DCDC1: variants seen among roughly 807,000 people sequenced by gnomAD.
The protein encoded by DCDC1 is doublecortin domain containing 1.
DCDC1 carries 200 observed loss-of-function variants against 178.3 expected under a neutral mutation model. The ratio of observed to expected loss-of-function variants is 1.12; its 90% CI spans 1.00 to 1.26. DCDC1 has a LOEUF of 1.26. Ranked by LOEUF, DCDC1 falls within the 50% of genes most tolerant of loss-of-function variation. The pLI is 0.00. For missense variants in DCDC1, 1,983 were observed against 1,749.2 expected, an observed-to-expected ratio of 1.13 and a Z score of -2.38; for synonymous variants, 690 against 604.8, an observed-to-expected ratio of 1.14 and a Z score of -2.07.
intron 11 of DCDC1, among the ~76,000 whole-genome samples, chr11:31,111,720 A>T (rs2135808169): frequency 6.6e-6 from 1 of 152,338 alleles, no homozygotes; most frequent in Admixed American, 6.5e-5. Flanking sequence ...ACTCTTAAGC[A>T]ACAGAGAAAT....
At chr11:30,897,420 C>T (rs1401986469) in intron 34 of DCDC1, among the ~76,000 whole-genome samples, 1 of 151,972 alleles carries the variant, frequency 6.6e-6, no homozygotes, top group Non-Finnish European at 1.5e-5. Context: ...AACCCCCTCT[C>T]TACTAAAAGT....
At chr11:31,021,558 A>T (rs1334175533) in intron 20 of DCDC1, among the ~76,000 whole-genome samples, 1 of 152,322 alleles carries the variant, frequency 6.6e-6, no homozygotes, top group East Asian at 1.9e-4. Flanking sequence ...CATTAAAAAA[A>T]TCTCTGCAAA....
intron 33 of DCDC1, 26 bp from the exon 34 acceptor site, chr11:30,899,668 T>G: frequency 6.8e-7 from 1 of 1,459,934 alleles, no homozygotes; most frequent in Non-Finnish European, 9.1e-7. Context: ...TACAAGATAT[T>G]TTATCAACAG....
intron 15 of DCDC1, among the ~76,000 whole-genome samples, chr11:31,099,385 G>A (rs1173972861): frequency 6.6e-6 from 1 of 152,114 alleles, no homozygotes; most frequent in Non-Finnish European, 1.5e-5. Flanking sequence ...TATTTTCAAT[G>A]GCTCCTTGCT....
intron 9 of DCDC1, among the ~76,000 whole-genome samples, chr11:31,188,773 A>G (rs1479359175): frequency 6.6e-6 from 1 of 152,232 alleles, no homozygotes; most frequent in Non-Finnish European, 1.5e-5. Context: ...TAAATGAGAA[A>G]GAATTTTCAC....
intron 20 of DCDC1, among the ~76,000 whole-genome samples, chr11:31,052,146 G>T (rs1486725899): frequency 2.0e-5 from 3 of 152,100 alleles, no homozygotes; most frequent in Admixed American, 1.3e-4. Context: ...ATAAAGTAAA[G>T]GGGTGGAAAA....
chr11:31,290,476 T>C (rs1166579018), intron 7 of DCDC1, among the ~76,000 whole-genome samples, 171 bp downstream of exon 7: 1 of 152,024 alleles, frequency 6.6e-6, no homozygotes, highest in Non-Finnish European at 1.5e-5. Context: ...ATGGTATTAG[T>C]GCAATAAGCA....
intron 6 of DCDC1, among the ~76,000 whole-genome samples, chr11:31,303,899 C>G (rs1054906958): frequency 1.3e-5 from 2 of 152,098 alleles, no homozygotes; most frequent in Non-Finnish European, 2.9e-5. Flanking sequence ...AGTCAAAAAC[C>G]ATTGCACAAC....
chr11:30,929,082 T>C (rs1055418392), intron 22 of DCDC1, among the ~76,000 whole-genome samples: 1 of 152,118 alleles, frequency 6.6e-6, no homozygotes, highest in African/African-American at 2.4e-5. Context: ...TTATAATTAA[T>C]TGTTCTTTCA....
At chr11:31,311,859 T>C (rs1440966238) in intron 3 of DCDC1, among the ~76,000 whole-genome samples, 4 of 152,188 alleles carry the variant, frequency 2.6e-5, no homozygotes, top group Non-Finnish European at 4.4e-5. Flanking sequence ...TATGTCCCTA[T>C]AAAAATATGT....
chr11:31,361,176 A>C (rs1951691161), intron 1 of DCDC1, among the ~76,000 whole-genome samples: 1 of 152,234 alleles, frequency 6.6e-6, no homozygotes, highest in Non-Finnish European at 1.5e-5. Context: ...AATTGAATAT[A>C]AAATAAAAAG....
intron 8 of DCDC1, among the ~76,000 whole-genome samples, chr11:31,246,143 G>T (rs1943550011): frequency 6.6e-6 from 1 of 151,954 alleles, no homozygotes; most frequent in Non-Finnish European, 1.5e-5. Flanking sequence ...AGGATTTTTT[G>T]TTAATAGCAT....
At chr11:31,012,260 A>G (rs1278298698) in intron 20 of DCDC1, among the ~76,000 whole-genome samples, 1 of 152,142 alleles carries the variant, frequency 6.6e-6, no homozygotes, top group Non-Finnish European at 1.5e-5. Flanking sequence ...CTAATACATT[A>G]TTATAGACAA....
chr11:30,986,579 C>A (rs142663353), intron 20 of DCDC1, among the ~76,000 whole-genome samples: 249 of 152,286 alleles, frequency 1.6e-3, no homozygotes, highest in Non-Finnish European at 3.0e-3. Flanking sequence ...GATCCACCCA[C>A]CTCGGCCTCC....
chr11:31,326,438 T>C (rs573123886), intron 3 of DCDC1, among the ~76,000 whole-genome samples: 1 of 152,308 alleles, frequency 6.6e-6, no homozygotes, highest in Non-Finnish European at 1.5e-5. Context: ...TATCACCATT[T>C]TGAAGTAGAA....
chr11:31,269,684 C>A (rs762241320), intron 7 of DCDC1, among the ~76,000 whole-genome samples: 1 of 152,106 alleles, frequency 6.6e-6, no homozygotes, highest in Non-Finnish European at 1.5e-5. Flanking sequence ...CTGCACCTGG[C>A]CTGTTAATTC....
chr11:31,301,327 G>C (rs538123423), intron 6 of DCDC1, among the ~76,000 whole-genome samples: 113 of 152,336 alleles, frequency 7.4e-4, no homozygotes, highest in African/African-American at 2.5e-3. Context: ...TACCTTAGCT[G>C]ATTGAATTAA....
intron 20 of DCDC1, among the ~76,000 whole-genome samples, chr11:30,972,937 TC>T (rs1949891334): frequency 6.6e-6 from 1 of 152,114 alleles, no homozygotes; most frequent in Non-Finnish European, 1.5e-5. Context: ...CCTGGTGCTG[TC>T]CTCTTGTTAA....
Position 30,916,328 on chromosome 11 carries a change from T to C in DCDC1, c.3452+542A>G, listed in dbSNP as rs919049558. On this transcript the variant is annotated intron_variant, in intron 26 of 38. Coordinates refer to ENST00000684477, the MANE Select transcript of DCDC1 (RefSeq NM_001387274.1). Reference sequence around the variant, plus strand: ...ATCTATTAAGCCCCTACTACGTGCATGGCCTAGTGCTAAATGTTGAAGTGT... The same window carrying C: ...ATCTATTAAGCCCCTACTACGTGCACGGCCTAGTGCTAAATGTTGAAGTGT... 2.0e-5 allele frequency among the ~76,000 whole-genome samples: 3 copies of C among 152,372 alleles called. 1 individual carries two copies. The highest frequency in any genetic ancestry group is 2.4e-5 in the African/African-American group (1 of 41,592).
Sources: allele counts gnomAD v4.1 joint callset (sites outside exome capture counted in the v4.1 genomes callset), GRCh38; gene constraint gnomAD v4.1.1; transcripts MANE v1.5; gene names NCBI Gene and HGNC (gene_info 2026-07-23, HGNC 2026-07-21).